The following NEMP1 variants were observed in gnomAD, a reference collection of about 807,000 sequenced individuals.
NEMP1 encodes the protein transmembrane protein 194.
A neutral mutation model predicts 53.7 loss-of-function variants in NEMP1; 29 were observed. The ratio of observed to expected loss-of-function variants is 0.54; its 90% CI spans 0.40 to 0.74. The LOEUF (loss-of-function observed/expected upper bound fraction) is 0.74. Among genes scored for constraint, NEMP1 ranks in the 30% least tolerant of loss-of-function variants. The pLI, the probability that NEMP1 is intolerant of heterozygous loss-of-function variation, is 0.00. For synonymous variants in NEMP1, 193 were observed against 192.9 expected (o/e 1.00, Z 0.00); for missense variants, 477 against 528.6 (o/e 0.90, Z 0.96).
chr12:57,063,387 T>C lies in NEMP1; in HGVS notation c.755-43A>G, dbSNP rs759335269. On this transcript the variant is annotated intron_variant, in intron 6 of 8. Transcript: ENST00000300128. ...AGAAGACATTCTTTTTCATCTATAC[T>C]TGGTAAAAATAATTTGTGTGGGAAG... 6 of 1,525,480 alleles carry C rather than the reference T, an allele frequency of 3.9e-6. No homozygotes were observed. In the Admixed American group the frequency reaches 5.2e-5, roughly 13 times the overall value. The allele number at this position is 1,525,480 out of a possible 1,614,324, so 94.5% of individuals were successfully genotyped here. A position where few individuals can be genotyped will look rare whatever the true frequency, so the allele number is the denominator to read the frequency against.
upstream of NEMP1, among the ~76,000 whole-genome samples, chr12:57,082,681 C>T (rs2032879965): frequency 6.6e-6 from 1 of 152,134 alleles, no homozygotes; most frequent in African/African-American, 2.4e-5. Context: ...CTCTGCACTC[C>T]ACCCTGGGTG....
At chr12:57,066,962 CT>C (rs988824662) in intron 4 of NEMP1, among the ~76,000 whole-genome samples, 17 of 152,218 alleles carry the variant, frequency 1.1e-4, no homozygotes, top group African/African-American at 3.4e-4. Flanking sequence ...CCACCAGGAA[CT>C]GTGAGTCCAT....
chr12:57,082,148 G>A (rs1187810345), upstream of NEMP1, among the ~76,000 whole-genome samples: 2 of 151,764 alleles, frequency 1.3e-5, no homozygotes, highest in Non-Finnish European at 2.9e-5. Context: ...CCTGGGAGGC[G>A]GAGGTTGCAG....
chr12:57,065,411 G>A (rs2136491429), intron 4 of NEMP1, among the ~76,000 whole-genome samples: 1 of 152,132 alleles, frequency 6.6e-6, no homozygotes, highest in East Asian at 1.9e-4. Context: ...CTAGTATAAG[G>A]CTATTTTGTC....
In NEMP1 at chr12:57,064,743, C is replaced by A. The variant is rs2031990445; in HGVS notation, c.546-4G>T. 5 of 1,606,396 alleles carry A rather than the reference C, an allele frequency of 3.1e-6. No individual in the cohort carries two copies. Among genetic ancestry groups the A allele is most frequent in the Non-Finnish European group, 4.3e-6 (5 of 1,175,882 alleles). On this transcript the variant is annotated splice_polypyrimidine_tract_variant and splice_region_variant and intron_variant, in intron 4 of 8. Transcript: ENST00000300128. ...AGAGTAGTAGAAAATTTGACTTCTG[C>A]AGGAAAAAAATGTATTTCATGACCA...
chr12:57,087,426 G>A (rs1191280577), intron 1 of NEMP1, among the ~76,000 whole-genome samples: 3 of 151,728 alleles, frequency 2.0e-5, no homozygotes, highest in Middle Eastern at 6.3e-3. Context: ...CTGGCAGCCC[G>A]GGATCCAAAA....
At chr12:57,071,783 C>T (rs1322270983) in intron 2 of NEMP1, among the ~76,000 whole-genome samples, 1 of 151,934 alleles carries the variant, frequency 6.6e-6, no homozygotes, top group African/African-American at 2.4e-5. Context: ...CGAGGTCGTG[C>T]CACTGCACTC....
In NEMP1 at chr12:57,064,759, T is replaced by C. The variant is rs2031991363; in HGVS notation, c.546-20A>G. The stretch of plus-strand genomic sequence containing the variant: ...TGACTTCTGCAGGAAAAAAATGTAT[T>C]TCATGACCATATGTATATATTTCAT... On this transcript the variant is annotated intron_variant, in intron 4 of 8. Transcript: ENST00000300128. 6.4e-7 allele frequency: 1 copy of C among 1,563,992 alleles called. No homozygotes were observed. The highest frequency in any genetic ancestry group is 1.4e-5 in the African/African-American group (1 of 73,858).
In NEMP1 at chr12:57,058,349, GCCTTTTT is replaced by G. The variant is rs2031631377; in HGVS notation, c.*1523_*1529del. ...ATTACGGCTTTTTAAAAAATCATCTGCCTTTTTCCATCATCTTGGTGAGCCAGTAAGT... is the reference window on the plus strand; with the variant it reads ...ATTACGGCTTTTTAAAAAATCATCTGCCATCATCTTGGTGAGCCAGTAAGT... On this transcript the variant is annotated 3_prime_UTR_variant, in exon 9 of 9. Transcript: ENST00000300128. 6.6e-6 allele frequency: 1 copy of G among 152,166 alleles called. No individual in the cohort carries two copies. Among genetic ancestry groups the G allele is most frequent in the South Asian group, 2.1e-4 (1 of 4,828 alleles). 9.4% of individuals were successfully genotyped at this position (152,166 alleles called of 1,614,324 possible).
chr12:57,075,390 TATAA>T (rs36162399), intron 1 of NEMP1, among the ~76,000 whole-genome samples: 47,809 of 135,520 alleles, frequency 0.35, 9,333 homozygotes, highest in Non-Finnish European at 0.45. Flanking sequence ...TCCATTTCAA[TATAA>T]ATAAATAAAT....
At chr12:57,076,260 G>A (rs1459422943) in intron 1 of NEMP1, among the ~76,000 whole-genome samples, 2 of 152,060 alleles carry the variant, frequency 1.3e-5, no homozygotes, top group Non-Finnish European at 2.9e-5. Context: ...CAGATGGCAC[G>A]TGCCTGTAGT....
chr12:57,073,665 C>T (rs1006911207), intron 1 of NEMP1, among the ~76,000 whole-genome samples: 6 of 152,076 alleles, frequency 3.9e-5, no homozygotes, highest in African/African-American at 1.4e-4. Context: ...AAAATAAATA[C>T]ATAAATAAAA....
At chr12:57,067,371 T>C (rs188091522) in intron 4 of NEMP1, among the ~76,000 whole-genome samples, 3 of 151,800 alleles carry the variant, frequency 2.0e-5, no homozygotes, top group East Asian at 3.9e-4. Context: ...TACATGGACA[T>C]GTGGTGCCCC....
In NEMP1 at chr12:57,055,683, AC is replaced by A. The variant is rs2031490136; in HGVS notation, c.*4195del. On this transcript the variant is annotated 3_prime_UTR_variant, in exon 9 of 9. Coordinates refer to ENST00000300128, the MANE Select transcript of NEMP1 (RefSeq NM_001130963.2). ...TATTAAAATTGGAATTAGAAACTAT[AC>A]CAAAAACTTTAAAAATACATTAAGA... The A allele has an allele frequency of 6.6e-6, 1 of 152,246 alleles. No homozygotes were observed. The highest frequency in any genetic ancestry group is 2.1e-4 in the South Asian group (1 of 4,834). The allele number at this position is 152,246 out of a possible 1,614,324, so 9.4% of individuals were successfully genotyped here.
intron 1 of NEMP1, among the ~76,000 whole-genome samples, chr12:57,073,337 G>A (rs373577455): frequency 5.9e-5 from 9 of 151,558 alleles, no homozygotes; most frequent in African/African-American, 2.2e-4. Context: ...TTTGTATTAA[G>A]TATCTATTAA....
upstream of NEMP1, among the ~76,000 whole-genome samples, chr12:57,083,213 A>C (rs2032899746): frequency 6.6e-6 from 1 of 152,192 alleles, no homozygotes; most frequent in Middle Eastern, 3.2e-3. Flanking sequence ...TCAGAAGATC[A>C]CTGACCACTG....
Position 57,069,184 on chromosome 12 carries a change from G to A in NEMP1, c.545+50C>T, listed in dbSNP as rs548035179. 4 of 1,310,786 alleles carry A rather than the reference G, an allele frequency of 3.1e-6. No individual in the cohort carries two copies. In the South Asian group the frequency reaches 5.8e-5, roughly 19 times the overall value. The allele number at this position is 1,310,786 out of a possible 1,614,324, so 81.2% of individuals were successfully genotyped here. ...ACTTAATAGTTACTATAAAACGCAG[G>A]CAGGATAGGTATGAGCCGTTTCATT... is the stretch of plus-strand genomic sequence containing the variant. On this transcript the variant is annotated intron_variant, in intron 4 of 8. Transcript: ENST00000300128.
At chr12:57,068,743 T>C (rs554148761) in intron 4 of NEMP1, among the ~76,000 whole-genome samples, 22 of 152,288 alleles carry the variant, frequency 1.4e-4, no homozygotes, top group African/African-American at 5.3e-4. Flanking sequence ...TTTTTTTGCA[T>C]TTTCAGTAGA....
chr12:57,070,984 C>T (rs1330707846), intron 2 of NEMP1, 91 bp from the exon 3 acceptor site: 1 of 1,017,948 alleles, frequency 9.8e-7, no homozygotes, highest in Non-Finnish European at 1.4e-6. Flanking sequence ...CTCAGACTAA[C>T]AACCAAATCA....
Sources: allele counts gnomAD v4.1 joint callset (sites outside exome capture counted in the v4.1 genomes callset), GRCh38; gene constraint gnomAD v4.1.1; transcripts MANE v1.5; gene names NCBI Gene and HGNC (gene_info 2026-07-23, HGNC 2026-07-21).